GRAP2: variants seen among roughly 807,000 people sequenced by gnomAD.
GRAP2 encodes the protein GRB2-related adapter protein 2.
Under a neutral mutation model 43.5 loss-of-function variants are expected in GRAP2, and 31 were observed. That is an observed-to-expected ratio of 0.71 (90% CI 0.54 to 0.96). The LOEUF (loss-of-function observed/expected upper bound fraction) is 0.96. Among genes scored for constraint, GRAP2 ranks in the 40% least tolerant of loss-of-function variants. The pLI is 0.00. For missense variants in GRAP2, 371 were observed against 424.4 expected, an observed-to-expected ratio of 0.87 and a Z score of 1.11; for synonymous variants, 156 against 164.8, an observed-to-expected ratio of 0.95 and a Z score of 0.41.
intron 1 of GRAP2, among the ~76,000 whole-genome samples, chr22:39,937,578 G>A (rs1213170843): frequency 1.3e-5 from 2 of 152,198 alleles, no homozygotes; most frequent in Non-Finnish European, 2.9e-5. Flanking sequence ...GTCTCTACAA[G>A]AAAGGATTGT....
At chr22:39,933,501 A>G (rs1264070834) in intron 1 of GRAP2, among the ~76,000 whole-genome samples, 2 of 152,342 alleles carry the variant, frequency 1.3e-5, no homozygotes, top group Non-Finnish European at 2.9e-5. Context: ...TCATGTGACA[A>G]ACATGACATT....
At chr22:39,956,748 T>C (rs1601732212) in intron 3 of GRAP2, among the ~76,000 whole-genome samples, 1 of 152,212 alleles carries the variant, frequency 6.6e-6, no homozygotes, top group South Asian at 2.1e-4. Context: ...GGATTACAGG[T>C]GTGAGCCACT....
At chr22:39,925,428 A>G (rs550013151) in intron 1 of GRAP2, among the ~76,000 whole-genome samples, 2 of 152,230 alleles carry the variant, frequency 1.3e-5, no homozygotes, top group African/African-American at 4.8e-5. Context: ...TCATTCCTTT[A>G]GCACCCCAGT....
intron 1 of GRAP2, among the ~76,000 whole-genome samples, chr22:39,928,096 G>A (rs193259974): frequency 5.9e-5 from 9 of 152,222 alleles, no homozygotes; most frequent in East Asian, 1.9e-4. Context: ...AGAAATTGTC[G>A]AGGCCAAACT....
At position 39,922,633 on chromosome 22, in the gene GRAP2, G is replaced by A. The variant is rs186992968; in HGVS notation, c.-15+21303G>A. Among the ~76,000 whole-genome samples, 5 of 152,312 alleles carry A rather than the reference G, an allele frequency of 3.3e-5. No homozygotes were observed. In the East Asian group the frequency reaches 9.6e-4, roughly 29 times the overall value. On this transcript the variant is annotated intron_variant, in intron 1 of 7. Transcript: ENST00000344138. Reference sequence around the variant, plus strand: ...AATCACTCTGGAAGCAATGAGGAGGGGAGAATGGAGGTATTTGAGCCTAGA... The same window carrying A: ...AATCACTCTGGAAGCAATGAGGAGGAGAGAATGGAGGTATTTGAGCCTAGA...
chr22:39,970,187 C>T (rs531650610), intron 7 of GRAP2, among the ~76,000 whole-genome samples: 72 of 152,274 alleles, frequency 4.7e-4, no homozygotes, highest in African/African-American at 1.7e-3. Flanking sequence ...ACAATCATGG[C>T]TCACTGCAGA....
intron 1 of GRAP2, among the ~76,000 whole-genome samples, chr22:39,937,894 G>A (rs933651727): frequency 2.0e-5 from 3 of 151,974 alleles, no homozygotes; most frequent in African/African-American, 7.3e-5. Flanking sequence ...GAGTTTAACA[G>A]AACATATACA....
At chr22:39,957,955 A>G (rs2067075764) in intron 3 of GRAP2, among the ~76,000 whole-genome samples, 1 of 152,048 alleles carries the variant, frequency 6.6e-6, no homozygotes, top group Admixed American at 6.6e-5. Context: ...AAAAATTTAA[A>G]TAAATAAATA....
intron 1 of GRAP2, among the ~76,000 whole-genome samples, chr22:39,925,516 A>C (rs978133749): frequency 2.0e-5 from 3 of 152,110 alleles, no homozygotes; most frequent in African/African-American, 7.2e-5. Flanking sequence ...AAAAGCTTGG[A>C]GCCCTCCAAG....
intron 1 of GRAP2, among the ~76,000 whole-genome samples, chr22:39,910,902 A>T (rs1237984035): frequency 6.6e-6 from 1 of 152,180 alleles, no homozygotes; most frequent in Non-Finnish European, 1.5e-5. Flanking sequence ...AGCTAATCTC[A>T]TGATGGATCT....
intron 1 of GRAP2, 100 bp downstream of exon 1, chr22:39,901,430 T>C (rs2066491807): frequency 6.9e-6 from 3 of 435,026 alleles, no homozygotes; most frequent in Non-Finnish European, 1.3e-5. Flanking sequence ...TGAATCTCAC[T>C]AGTTCTCTAA....
At position 39,901,378 on chromosome 22, in the gene GRAP2, A is replaced by G. The variant is rs900896942; in HGVS notation, c.-15+48A>G. On this transcript the variant is annotated intron_variant, in intron 1 of 7. Coordinates refer to ENST00000344138, the MANE Select transcript of GRAP2 (RefSeq NM_004810.4). ...TACATATACTCTAGAAACTTTGAAC[A>G]GTTTTATAATTTGCAGAATGTTCTG... is the stretch of plus-strand genomic sequence containing the variant. 6.3e-6 allele frequency: 4 copies of G among 636,370 alleles called. No individual in the cohort carries two copies. The African/African-American group carries it at 7.5e-5, about 12-fold the overall frequency. The allele number at this position is 636,370 out of a possible 1,614,324, so 39.4% of individuals were successfully genotyped here. A position where few individuals can be genotyped will look rare whatever the true frequency, so the allele number is the denominator to read the frequency against.
At chr22:39,952,180 C>A (rs2066991829) in intron 2 of GRAP2, among the ~76,000 whole-genome samples, 1 of 152,036 alleles carries the variant, frequency 6.6e-6, no homozygotes, top group Non-Finnish European at 1.5e-5. Context: ...GCATGCACCA[C>A]CATGCCTGGC....
At chr22:39,907,283 C>T (rs926248276) in intron 1 of GRAP2, among the ~76,000 whole-genome samples, 2 of 152,186 alleles carry the variant, frequency 1.3e-5, no homozygotes, top group African/African-American at 2.4e-5. Context: ...TGAAAACTCT[C>T]CCCAATGGGG....
At chr22:39,966,740 G>A (rs1478961977) in intron 5 of GRAP2, among the ~76,000 whole-genome samples, 1 of 152,192 alleles carries the variant, frequency 6.6e-6, no homozygotes, top group Non-Finnish European at 1.5e-5. Flanking sequence ...GCTTTAAAAG[G>A]AAATGCGTCA....
chr22:39,931,339 T>C (rs2066753140), intron 1 of GRAP2, among the ~76,000 whole-genome samples: 1 of 152,162 alleles, frequency 6.6e-6, no homozygotes, highest in Non-Finnish European at 1.5e-5. Context: ...AATGGAGGAC[T>C]TGAAATGAAA....
intron 6 of GRAP2, among the ~76,000 whole-genome samples, chr22:39,968,891 G>A (rs1444551863): frequency 6.6e-6 from 1 of 152,178 alleles, no homozygotes; most frequent in African/African-American, 2.4e-5. Flanking sequence ...TACCCGAATG[G>A]TCCATTGCGT....
At chr22:39,922,480 G>A (rs1267765578) in intron 1 of GRAP2, among the ~76,000 whole-genome samples, 1 of 152,152 alleles carries the variant, frequency 6.6e-6, no homozygotes, top group South Asian at 2.1e-4. Flanking sequence ...TCAAGGAAGG[G>A]AGCAGAGTCA....
intron 2 of GRAP2, among the ~76,000 whole-genome samples, chr22:39,954,003 A>G (rs1320879981): frequency 6.6e-6 from 1 of 152,188 alleles, no homozygotes; most frequent in Non-Finnish European, 1.5e-5. Flanking sequence ...TTCACAGTCT[A>G]CATTCCAGCC....
Sources: allele counts gnomAD v4.1 joint callset (sites outside exome capture counted in the v4.1 genomes callset), GRCh38; gene constraint gnomAD v4.1.1; transcripts MANE v1.5; gene names NCBI Gene and HGNC (gene_info 2026-07-23, HGNC 2026-07-21).